Variants in HAT1 observed in about 807,000 individuals in gnomAD.
HAT1 encodes the protein histone acetyltransferase 1.
In HAT1, 20 loss-of-function variants were observed where a neutral mutation model predicts 56.6. The observed-to-expected ratio is 0.35, with a 90% confidence interval of 0.25 to 0.51. HAT1 has a LOEUF of 0.51. Among genes scored for constraint, HAT1 ranks in the 20% least tolerant of loss-of-function variants. The probability of loss-of-function intolerance (pLI) is 0.95; values close to 1 mark genes in which losing one functional copy is unlikely to be tolerated. For missense variants in HAT1, 408 were observed against 504.3 expected (o/e 0.81, Z 1.83); for synonymous variants, 146 against 165.5 (o/e 0.88, Z 0.91).
chr2:171,955,173 C>T (rs1005799228), intron 4 of HAT1, among the ~76,000 whole-genome samples: 3 of 152,106 alleles, frequency 2.0e-5, no homozygotes, highest in Non-Finnish European at 4.4e-5. Flanking sequence ...GGTTTTCATA[C>T]CAGGAAGTGG....
intron 2 of HAT1, among the ~76,000 whole-genome samples, chr2:171,938,334 C>T (rs990135233): frequency 6.6e-6 from 1 of 152,112 alleles, no homozygotes; most frequent in African/African-American, 2.4e-5. Flanking sequence ...CACCAGGGAC[C>T]AGTTTAGTGG....
At chr2:171,946,060 T>C (rs976175051) in intron 2 of HAT1, among the ~76,000 whole-genome samples, 1 of 152,202 alleles carries the variant, frequency 6.6e-6, no homozygotes, top group African/African-American at 2.4e-5. Flanking sequence ...TGCCTTGGCC[T>C]CCCAAAGTGC....
intron 2 of HAT1, among the ~76,000 whole-genome samples, chr2:171,941,402 G>T (rs1403514037): frequency 3.3e-5 from 5 of 152,046 alleles, no homozygotes; most frequent in African/African-American, 1.2e-4. Context: ...TAGTAGTGAC[G>T]GGGTTTCTCC....
intron 8 of HAT1, among the ~76,000 whole-genome samples, chr2:171,973,686 G>A (rs1328792770): frequency 6.6e-6 from 1 of 152,168 alleles, no homozygotes; most frequent in Non-Finnish European, 1.5e-5. Context: ...ATTGTGAACT[G>A]CACATGTGAA....
intron 9 of HAT1, among the ~76,000 whole-genome samples, chr2:171,977,545 ATATATATATATATTTTTTTTTTTTTTTT>A (rs1305725310): frequency 6.4e-4 from 9 of 14,062 alleles, no homozygotes; most frequent in African/African-American, 2.9e-3. Flanking sequence ...ATATATATAT[ATATATATATATATTTTTTTTTTTTTTTT>A]TTTTTTAATG....
intron 8 of HAT1, among the ~76,000 whole-genome samples, chr2:171,971,562 A>C (rs1687816925): frequency 6.6e-6 from 1 of 152,208 alleles, no homozygotes; most frequent in African/African-American, 2.4e-5. Context: ...GTCTTTCCTC[A>C]TTGAATTGCC....
intron 3 of HAT1, among the ~76,000 whole-genome samples, chr2:171,950,034 C>T (rs1687265816): frequency 6.6e-6 from 1 of 152,134 alleles, no homozygotes; most frequent in African/African-American, 2.4e-5. Flanking sequence ...CCATGGAACC[C>T]CTGGTTTGTT....
At position 171,976,229 on chromosome 2, in the gene HAT1, GT is replaced by G; in HGVS notation, c.901del (p.Ser301ProfsTer5). On this transcript the variant is annotated frameshift_variant, in exon 9 of 11. Coordinates refer to ENST00000264108, the MANE Select transcript of HAT1 (RefSeq NM_003642.4). LOFTEE classifies it high-confidence loss of function. ...GTGAAGCTTTGTCAAGATTTGCCCT[GT>G]TTTTCCCGGGAAAAATTAATGCAAG... ...VLVKLCQDLP[C>X]FSREKLMQGF... is the part of the protein sequence containing the mutation. The G allele has an allele frequency of 6.3e-7, 1 of 1,594,508 alleles. No individual in the cohort carries two copies.
At chr2:171,958,650 T>G (rs935666296) in intron 4 of HAT1, among the ~76,000 whole-genome samples, 6 of 152,142 alleles carry the variant, frequency 3.9e-5, no homozygotes, top group Non-Finnish European at 5.9e-5. Flanking sequence ...AGCTTCACAC[T>G]AGCAAACCCC....
chr2:171,977,557 ATTTTTTTTTTTT>A (rs1172067451), intron 9 of HAT1, among the ~76,000 whole-genome samples: 31 of 16,340 alleles, frequency 1.9e-3, no homozygotes, highest in Admixed American at 6.4e-3. Flanking sequence ...ATATATATAT[ATTTTTTTTTTTT>A]TTTTTTTTTT....
At chr2:171,951,002 G>A (rs1028644248) in intron 3 of HAT1, among the ~76,000 whole-genome samples, 17 of 152,038 alleles carry the variant, frequency 1.1e-4, no homozygotes, top group African/African-American at 3.9e-4. Flanking sequence ...GTAGAGATGG[G>A]GTTTTGCCGT....
At chr2:171,935,536 A>AG (rs1221551055) in intron 2 of HAT1, among the ~76,000 whole-genome samples, 26,794 of 137,852 alleles carry the variant, frequency 0.19, 3,312 homozygotes, top group South Asian at 0.29. Flanking sequence ...AAAAAAAAAA[A>AG]AAGACAAAAT....
chr2:171,981,244 T>C, intron 10 of HAT1, among the ~76,000 whole-genome samples: 1 of 152,112 alleles, frequency 6.6e-6, no homozygotes. Flanking sequence ...TTATTCAACA[T>C]ATAATTATTG....
chr2:171,937,914 T>C (rs1029064763), intron 2 of HAT1, among the ~76,000 whole-genome samples: 1 of 152,088 alleles, frequency 6.6e-6, no homozygotes, highest in Non-Finnish European at 1.5e-5. Flanking sequence ...CTCAGCTACT[T>C]GGGAGGCTTG....
At position 171,960,786 on chromosome 2, in the gene HAT1, A is replaced by G. The variant is rs544342795; in HGVS notation, c.310-4552A>G. On this transcript the variant is annotated intron_variant, in intron 4 of 10. Coordinates refer to ENST00000264108, the MANE Select transcript of HAT1 (RefSeq NM_003642.4). ...CAGCTACTCTGTAGGCTGACTCAGG[A>G]GGATCATTTGAGGCCAGGAATTTGA... is the stretch of plus-strand genomic sequence containing the variant. Among the ~76,000 whole-genome samples, 9 of 151,940 alleles carry G rather than the reference A, an allele frequency of 5.9e-5. No homozygotes were observed. In the South Asian group the frequency reaches 1.7e-3, roughly 28 times the overall value.
rs546307144 is a variant in HAT1 at position 171,979,307 on chromosome 2, G to A, written c.1036G>A (p.Glu346Lys). Residue 346 changes from glutamate (E) to lysine (K), a missense_variant, in exon 10 of 11, where the codon GAA (glutamate) becomes AAA (lysine). By Grantham distance (56) the Glu-to-Lys change is moderately conservative (BLOSUM62 1). Coordinates refer to ENST00000264108, the MANE Select transcript of HAT1 (RefSeq NM_003642.4). Reference protein sequence around the residue: ...RLLVTDMSDAEQYRSYRLDIK... With the variant: ...RLLVTDMSDAKQYRSYRLDIK... ...ACTGGTAACTGACATGAGTGATGCC[G>A]AACAATACAGAAGCTACAGACTGGA... is the stretch of plus-strand genomic sequence containing the variant. The A allele has an allele frequency of 2.6e-5, 42 of 1,607,068 alleles. No individual in the cohort carries two copies. Among genetic ancestry groups the A allele is most frequent in the Admixed American group, 1.0e-4 (6 of 59,788 alleles).
Position 171,922,468 on chromosome 2 carries a change from C to A in HAT1, c.-33C>A. The A allele has an allele frequency of 7.6e-7, 1 of 1,318,092 alleles. No homozygotes were observed. The highest frequency in any genetic ancestry group is 3.0e-5 in the South Asian group (1 of 33,726). 81.6% of individuals were successfully genotyped at this position (1,318,092 alleles called of 1,614,324 possible). A position where few individuals can be genotyped will look rare whatever the true frequency, so the allele number is the denominator to read the frequency against. On this transcript the variant is annotated 5_prime_UTR_variant, in exon 1 of 11. Transcript: ENST00000264108. Reference sequence around the variant, plus strand: ...CCCGGGAGCGCGCGGGTTGATTCGTCCTTCCTCAGCCGCGGGTGATCGTAG... The same window carrying A: ...CCCGGGAGCGCGCGGGTTGATTCGTACTTCCTCAGCCGCGGGTGATCGTAG...
chr2:171,944,164 A>C (rs1050745686), intron 2 of HAT1, among the ~76,000 whole-genome samples: 3 of 151,978 alleles, frequency 2.0e-5, no homozygotes, highest in Admixed American at 6.6e-5. Flanking sequence ...AAAAATACTT[A>C]AACAAGGATC....
At chr2:171,929,234 TG>T (rs532147907) in intron 2 of HAT1, among the ~76,000 whole-genome samples, 141 of 152,308 alleles carry the variant, frequency 9.3e-4, no homozygotes, top group Non-Finnish European at 1.3e-3. Flanking sequence ...TATTAAGGAT[TG>T]TTTTTTTAAT....
Sources: gnomAD v4.1 joint callset for allele counts (sites outside exome capture counted in the v4.1 genomes callset) on GRCh38, gnomAD v4.1.1 for gene constraint, MANE v1.5 for transcripts, NCBI Gene and HGNC (gene_info 2026-07-23, HGNC 2026-07-21) for gene names.